The following DLGAP2 variants were observed in gnomAD, a reference collection of about 807,000 sequenced individuals.
DLGAP2 encodes the protein DLG associated protein 2, also known as disks large-associated protein 2.
DLGAP2 carries 26 observed loss-of-function variants against 100.3 expected under a neutral mutation model. The ratio of observed to expected loss-of-function variants is 0.26; its 90% CI spans 0.19 to 0.36. DLGAP2 has a LOEUF of 0.36. Ranked by LOEUF, DLGAP2 falls within the 10% of genes least tolerant of loss-of-function variation. DLGAP2 has a pLI of 1.00. For synonymous variants in DLGAP2, 886 were observed against 630.1 expected (o/e 1.41, Z -6.08); for missense variants, 1,858 against 1,453.2 (o/e 1.28, Z -4.53).
rs1797037143 is a variant in DLGAP2 at position 1,167,366 on chromosome 8, G to A, written c.74-91485G>A. On this transcript the variant is annotated intron_variant, in intron 2 of 14. Transcript: ENST00000637795. ...CAGGGCAGACCAGTGTACCTCACAG[G>A]GAGTTGCTAAGCAGGAAGAAAAAGG... Among the ~76,000 whole-genome samples, 3 of 152,114 alleles carry A rather than the reference G, an allele frequency of 2.0e-5. No homozygotes were observed. In the South Asian group the frequency reaches 6.2e-4, roughly 32 times the overall value.
At chr8:1,351,866 CA>C (rs1801736297) in intron 3 of DLGAP2, among the ~76,000 whole-genome samples, 1 of 89,524 alleles carries the variant, frequency 1.1e-5, no homozygotes, top group Non-Finnish European at 2.3e-5. Context: ...AAAGGCCGTG[CA>C]GGTCCTGACT....
intron 2 of DLGAP2, among the ~76,000 whole-genome samples, chr8:1,118,673 A>G (rs1044672167): frequency 6.6e-6 from 1 of 152,294 alleles, no homozygotes; most frequent in Middle Eastern, 3.4e-3. Flanking sequence ...TGCTTAGAGC[A>G]ACCTTCAAGA....
At chr8:1,196,989 C>G (rs1454669661) in intron 2 of DLGAP2, among the ~76,000 whole-genome samples, 1 of 152,138 alleles carries the variant, frequency 6.6e-6, no homozygotes, top group African/African-American at 2.4e-5. Context: ...GTGATTAAGT[C>G]TGCGTTTGAA....
chr8:1,282,428 C>A (rs1799836659), intron 3 of DLGAP2, among the ~76,000 whole-genome samples: 2 of 132,570 alleles, frequency 1.5e-5, no homozygotes, highest in African/African-American at 2.7e-5. Flanking sequence ...CCTGAACCAT[C>A]CGGACATGGT....
chr8:843,149 T>C (rs10105558), intron 1 of DLGAP2, among the ~76,000 whole-genome samples: 111,129 of 152,162 alleles, frequency 0.73, 40,956 homozygotes, highest in East Asian at 0.99. Flanking sequence ...TTTTATGTGA[T>C]CTTAATGTAG....
At chr8:1,273,270 C>A (rs1408666238) in intron 3 of DLGAP2, among the ~76,000 whole-genome samples, 1 of 152,070 alleles carries the variant, frequency 6.6e-6, no homozygotes, top group East Asian at 1.9e-4. Flanking sequence ...GAGGTGGGAG[C>A]AGTAGGAAGT....
At chr8:780,843 C>T (rs1354666702) in intron 1 of DLGAP2, among the ~76,000 whole-genome samples, 2 of 152,192 alleles carry the variant, frequency 1.3e-5, no homozygotes, top group Admixed American at 6.5e-5. Flanking sequence ...CCCACACCCC[C>T]TTTTTATTCC....
chr8:1,309,911 A>G (rs1174361287), intron 3 of DLGAP2, among the ~76,000 whole-genome samples: 1 of 152,178 alleles, frequency 6.6e-6, no homozygotes, highest in South Asian at 2.1e-4. Context: ...CCTAGCCAAC[A>G]TGGTGAAAAC....
chr8:1,418,628 C>T lies in DLGAP2; in HGVS notation c.107-82738C>T, dbSNP rs117320879. On this transcript the variant is annotated intron_variant, in intron 3 of 14. Transcript: ENST00000637795. ...GGAAAAAAGTGTTTCCTTCTCGACACCAAATGCAAGAAAAATTCCATTTTT... is the reference window on the plus strand; with the variant it reads ...GGAAAAAAGTGTTTCCTTCTCGACATCAAATGCAAGAAAAATTCCATTTTT... Among the ~76,000 whole-genome samples the T allele has an allele frequency of 4.6e-5, 7 of 152,316 alleles. No homozygotes were observed. The East Asian group carries it at 7.7e-4, about 17-fold the overall frequency.
intron 2 of DLGAP2, among the ~76,000 whole-genome samples, chr8:1,113,264 A>T (rs1805016910): frequency 6.6e-6 from 1 of 152,208 alleles, no homozygotes; most frequent in African/African-American, 2.4e-5. Context: ...TTTGATAGGA[A>T]TAGCAATGAA....
At position 1,588,762 on chromosome 8, in the gene DLGAP2, A is replaced by AAG. The variant is rs1796203420; in HGVS notation, c.1442+22868_1442+22869insAG. On this transcript the variant is annotated intron_variant, in intron 6 of 14. Transcript: ENST00000637795. ...CTAAAAAAAAAAAAAAAAAAAAAAAAGGAAAAAAAATTAGCTGAGCATGGT... is the reference window on the plus strand; with the variant it reads ...CTAAAAAAAAAAAAAAAAAAAAAAAAAGGGAAAAAAAATTAGCTGAGCATGGT... 2.2e-5 allele frequency among the ~76,000 whole-genome samples: 3 copies of AAG among 135,802 alleles called. No individual in the cohort carries two copies. In the South Asian group the frequency reaches 7.0e-4, roughly 32 times the overall value. 89.1% of individuals were successfully genotyped at this position (135,802 alleles called of 152,430 possible).
intron 1 of DLGAP2, among the ~76,000 whole-genome samples, chr8:757,575 G>A (rs766792801): frequency 3.9e-5 from 6 of 152,186 alleles, no homozygotes; most frequent in Non-Finnish European, 7.3e-5. Flanking sequence ...ACCCTCCCCT[G>A]TGTCACGTGC....
chr8:1,201,970 GTATC>G (rs1316171144), intron 2 of DLGAP2, among the ~76,000 whole-genome samples: 4 of 146,722 alleles, frequency 2.7e-5, no homozygotes, highest in African/African-American at 1.0e-4. Flanking sequence ...GGTGTGTACA[GTATC>G]TGTGTATCTG....
chr8:1,540,788 C>G (rs142822084), intron 4 of DLGAP2, among the ~76,000 whole-genome samples: 19 of 152,356 alleles, frequency 1.2e-4, no homozygotes, highest in African/African-American at 4.1e-4. Flanking sequence ...AATATGGCAA[C>G]CATACAACCA....
chr8:1,063,299 G>C (rs1447743987), intron 2 of DLGAP2, among the ~76,000 whole-genome samples: 1 of 152,180 alleles, frequency 6.6e-6, no homozygotes. Flanking sequence ...TTTTAAGTGT[G>C]ATGGGAATTG....
chr8:1,267,741 C>CT (rs1391712911), intron 3 of DLGAP2, among the ~76,000 whole-genome samples: 1 of 152,048 alleles, frequency 6.6e-6, no homozygotes, highest in Non-Finnish European at 1.5e-5. Flanking sequence ...GTTGGACTTC[C>CT]TTTGCCATCC....
At chr8:1,618,852 T>A (rs962869827) in intron 6 of DLGAP2, among the ~76,000 whole-genome samples, 10 of 152,152 alleles carry the variant, frequency 6.6e-5, no homozygotes, top group Non-Finnish European at 1.0e-4. Context: ...TTTCATGGCA[T>A]CTCTGGCACC....
At chr8:1,351,770 C>A (rs370958569) in intron 3 of DLGAP2, among the ~76,000 whole-genome samples, 9 of 60,110 alleles carry the variant, frequency 1.5e-4, no homozygotes, top group Admixed American at 4.6e-4. Flanking sequence ...TGTGGAAAGG[C>A]CGTGCGGGTC....
At chr8:1,340,207 A>C (rs1238405326) in intron 3 of DLGAP2, among the ~76,000 whole-genome samples, 1 of 152,246 alleles carries the variant, frequency 6.6e-6, no homozygotes, top group Non-Finnish European at 1.5e-5. Context: ...CACCAAAAGC[A>C]ATGGCAACAA....
Sources: gnomAD v4.1 joint callset for allele counts (sites outside exome capture counted in the v4.1 genomes callset) on GRCh38, gnomAD v4.1.1 for gene constraint, MANE v1.5 for transcripts, NCBI Gene and HGNC (gene_info 2026-07-23, HGNC 2026-07-21) for gene names.